The following PACRG variants were observed in gnomAD, a reference collection of about 807,000 sequenced individuals.
The protein encoded by PACRG is parkin coregulated gene protein.
Under a neutral mutation model 29.7 loss-of-function variants are expected in PACRG, and 29 were observed. That is an observed-to-expected ratio of 0.98 (90% confidence interval 0.73 to 1.33). PACRG has a LOEUF of 1.33. Ranked by LOEUF, PACRG falls within the 40% of genes most tolerant of loss-of-function variation. The probability of loss-of-function intolerance (pLI) is 0.00; values close to 1 mark genes in which losing one functional copy is unlikely to be tolerated. For missense variants in PACRG, 279 were observed against 316.2 expected (o/e 0.88, Z 0.89); for synonymous variants, 116 against 118.7 (o/e 0.98, Z 0.15).
intron 4 of PACRG, among the ~76,000 whole-genome samples, chr6:163,303,301 G>T (rs1324938649): frequency 6.6e-6 from 1 of 152,016 alleles, no homozygotes; most frequent in African/African-American, 2.4e-5. Flanking sequence ...TCTAGCCTGG[G>T]TGACAGCGTG....
At chr6:162,964,968 C>G (rs1800910856) in intron 2 of PACRG, among the ~76,000 whole-genome samples, 3 of 152,190 alleles carry the variant, frequency 2.0e-5, no homozygotes, top group Non-Finnish European at 4.4e-5. Flanking sequence ...GCTGCTGTCT[C>G]CTCTAGAGAG....
intron 4 of PACRG, among the ~76,000 whole-genome samples, chr6:163,309,470 C>T (rs1785322764): frequency 1.3e-5 from 2 of 152,286 alleles, no homozygotes; most frequent in Admixed American, 6.5e-5. Flanking sequence ...TACAGTCTAG[C>T]TATTGTGTAC....
intron 4 of PACRG, among the ~76,000 whole-genome samples, chr6:163,144,337 CACACATACAT>C (rs1777701855): frequency 9.7e-6 from 1 of 103,624 alleles, no homozygotes; most frequent in African/African-American, 4.9e-5. Flanking sequence ...CACACATACA[CACACATACAT>C]ACACACACAC....
At chr6:162,967,995 A>C (rs1334100171) in intron 2 of PACRG, among the ~76,000 whole-genome samples, 1 of 152,218 alleles carries the variant, frequency 6.6e-6, no homozygotes, top group Non-Finnish European at 1.5e-5. Flanking sequence ...CTATTCACAA[A>C]TATTCCTAAA....
chr6:163,213,014 G>A (rs1032032649), intron 4 of PACRG, among the ~76,000 whole-genome samples: 3 of 152,094 alleles, frequency 2.0e-5, no homozygotes, highest in Non-Finnish European at 4.4e-5. Context: ...TCCTGACCTC[G>A]TGATCCACCC....
At chr6:163,302,288 TTTGA>T (rs1366062069) in intron 4 of PACRG, among the ~76,000 whole-genome samples, 4 of 151,726 alleles carry the variant, frequency 2.6e-5, no homozygotes, top group African/African-American at 9.7e-5. Flanking sequence ...TGGCCAAAAC[TTTGA>T]TTGGGCTTTA....
chr6:162,845,532 T>C (rs1790293590), intron 2 of PACRG, among the ~76,000 whole-genome samples: 1 of 152,214 alleles, frequency 6.6e-6, no homozygotes, highest in Non-Finnish European at 1.5e-5. Flanking sequence ...TTCTTGTATA[T>C]ATTGGTCATT....
intron 4 of PACRG, among the ~76,000 whole-genome samples, chr6:163,215,312 C>T (rs2128156764): frequency 6.6e-6 from 1 of 152,242 alleles, no homozygotes; most frequent in African/African-American, 2.4e-5. Context: ...AAATATCATT[C>T]CATGGAAAGT....
intron 3 of PACRG, among the ~76,000 whole-genome samples, chr6:163,085,452 C>T (rs1416297426): frequency 5.9e-5 from 9 of 152,152 alleles, no homozygotes; most frequent in Non-Finnish European, 1.3e-4. Context: ...TGGGAAAAAT[C>T]ACTACAGCCT....
At chr6:163,211,297 A>G (rs1781129644) in intron 4 of PACRG, among the ~76,000 whole-genome samples, 1 of 152,244 alleles carries the variant, frequency 6.6e-6, no homozygotes, top group African/African-American at 2.4e-5. Context: ...CATTGGTTTA[A>G]TGAAAACATT....
At chr6:162,815,438 A>G (rs1419251879) in intron 2 of PACRG, among the ~76,000 whole-genome samples, 2 of 150,078 alleles carry the variant, frequency 1.3e-5, no homozygotes, top group African/African-American at 4.9e-5. Flanking sequence ...TCATATTGTT[A>G]TCAAACATTT....
intron 2 of PACRG, among the ~76,000 whole-genome samples, chr6:163,035,444 C>T (rs753774238): frequency 7.9e-5 from 12 of 152,048 alleles, no homozygotes; most frequent in African/African-American, 2.7e-4. Flanking sequence ...GTCAGGAGAT[C>T]GAGATCAGCC....
At chr6:163,259,612 A>G (rs1390099653) in intron 4 of PACRG, among the ~76,000 whole-genome samples, 1 of 152,112 alleles carries the variant, frequency 6.6e-6, no homozygotes, top group African/African-American at 2.4e-5. Context: ...AGCCATCCAG[A>G]CCCACAGCCT....
chr6:162,823,714 C>T (rs1230943383), intron 2 of PACRG, among the ~76,000 whole-genome samples: 1 of 151,972 alleles, frequency 6.6e-6, no homozygotes, highest in East Asian at 1.9e-4. Flanking sequence ...GGGATTTCAC[C>T]GTGTTAGCCA....
At chr6:163,287,935 T>C (rs1784454876) in intron 4 of PACRG, among the ~76,000 whole-genome samples, 1 of 152,134 alleles carries the variant, frequency 6.6e-6, no homozygotes, top group Non-Finnish European at 1.5e-5. Context: ...GAAGAAGCTA[T>C]TTATTTGGCT....
At chr6:163,028,909 C>T (rs551384961) in intron 2 of PACRG, among the ~76,000 whole-genome samples, 1 of 152,316 alleles carries the variant, frequency 6.6e-6, no homozygotes, top group East Asian at 1.9e-4. Flanking sequence ...CATTCACATC[C>T]TAATCCTGGA....
chr6:163,117,494 G>A (rs1816061621), intron 4 of PACRG, among the ~76,000 whole-genome samples: 6 of 152,232 alleles, frequency 3.9e-5, no homozygotes. Flanking sequence ...GCTCATGCCT[G>A]TAATCCCAGC....
chr6:162,959,215 G>A (rs1260844494), intron 2 of PACRG, among the ~76,000 whole-genome samples: 1 of 151,804 alleles, frequency 6.6e-6, no homozygotes, highest in Non-Finnish European at 1.5e-5. Context: ...CACCGTGCCT[G>A]GCCAACACAT....
chr6:162,997,637 C>A, intron 2 of PACRG: 1 of 249,976 alleles, frequency 4.0e-6, no homozygotes. Context: ...GAGAGACCTT[C>A]AGATAAACTC....
Sources: allele counts gnomAD v4.1 joint callset (sites outside exome capture counted in the v4.1 genomes callset), GRCh38; gene constraint gnomAD v4.1.1; transcripts MANE v1.5; gene names NCBI Gene and HGNC (gene_info 2026-07-23, HGNC 2026-07-21).